The following ATXN7 variants were observed in gnomAD, a reference collection of about 807,000 sequenced individuals.
ATXN7 encodes the protein ataxin-7.
A neutral mutation model predicts 70.5 loss-of-function variants in ATXN7; 12 were observed. The observed-to-expected ratio is 0.17, with a 90% CI of 0.11 to 0.28. The LOEUF is 0.28. Ranked by LOEUF, ATXN7 falls within the 10% of genes least tolerant of loss-of-function variation. The pLI is 1.00. For missense variants in ATXN7, 1,256 were observed against 1,131.7 expected (o/e 1.11, Z -1.58); for synonymous variants, 498 against 448.7 (o/e 1.11, Z -1.39).
chr3:63,913,777 G>GTT (rs1460693868), intron 4 of ATXN7, among the ~76,000 whole-genome samples: 1 of 152,112 alleles, frequency 6.6e-6, no homozygotes, highest in African/African-American at 2.4e-5. Flanking sequence ...ATTTTATTTG[G>GTT]TCAAATAAGC....
At chr3:63,914,269 A>G (rs1704174502) in intron 4 of ATXN7, among the ~76,000 whole-genome samples, 1 of 152,030 alleles carries the variant, frequency 6.6e-6, no homozygotes, top group Non-Finnish European at 1.5e-5. Flanking sequence ...CGCTTTTCAC[A>G]CCTGCTTTTT....
intron 12 of ATXN7, chr3:63,998,198 GA>G (rs148077708): frequency 9.0e-5 from 43 of 478,642 alleles, no homozygotes; most frequent in East Asian, 6.1e-4. Flanking sequence ...AAAAAGGACA[GA>G]AGGGGGGGGG....
intron 2 of ATXN7, 78 bp from the exon 3 acceptor site, chr3:63,912,510 G>A: frequency 1.0e-6 from 1 of 955,366 alleles, no homozygotes; most frequent in South Asian, 3.0e-5. Context: ...GGCCGCGCAC[G>A]CCGCCGGAAC....
At chr3:63,880,922 C>A (rs139440764) in intron 1 of ATXN7, among the ~76,000 whole-genome samples, 3 of 152,138 alleles carry the variant, frequency 2.0e-5, no homozygotes, top group East Asian at 3.9e-4. Context: ...CTGAGCATGG[C>A]GCTCAATAGA....
chr3:63,988,023 G>C, intron 8 of ATXN7, 36 bp from the exon 9 acceptor site: 1 of 1,607,686 alleles, frequency 6.2e-7, no homozygotes, highest in Non-Finnish European at 8.5e-7. Context: ...AATTATTAAT[G>C]AGATTCCTCA....
At chr3:63,872,355 T>C (rs546541606) in intron 1 of ATXN7, among the ~76,000 whole-genome samples, 3 of 152,340 alleles carry the variant, frequency 2.0e-5, no homozygotes, top group Admixed American at 6.5e-5. Flanking sequence ...CAGTTCTCCA[T>C]TGGTAGTGCC....
At chr3:63,963,793 G>T (rs2075172202) in intron 5 of ATXN7, among the ~76,000 whole-genome samples, 1 of 152,060 alleles carries the variant, frequency 6.6e-6, no homozygotes, top group Non-Finnish European at 1.5e-5. Flanking sequence ...TTTTGTCTGT[G>T]TGAACCAAAC....
chr3:63,879,508 A>G (rs866799300), intron 1 of ATXN7, among the ~76,000 whole-genome samples: 1 of 147,090 alleles, frequency 6.8e-6, no homozygotes, highest in African/African-American at 2.5e-5. Flanking sequence ...TTTTTTTTTA[A>G]ATAGAGTCTT....
intron 8 of ATXN7, among the ~76,000 whole-genome samples, 184 bp from the exon 9 acceptor site, chr3:63,987,875 C>A (rs1046619842): frequency 6.6e-6 from 1 of 152,098 alleles, no homozygotes; most frequent in African/African-American, 2.4e-5. Context: ...AGAACGTATG[C>A]TTCTAGTCTA....
intron 4 of ATXN7, among the ~76,000 whole-genome samples, chr3:63,916,364 T>C (rs1704268561): frequency 6.6e-6 from 1 of 152,204 alleles, no homozygotes; most frequent in Admixed American, 6.5e-5. Context: ...CAAAATAATA[T>C]GTCAGTTTTC....
chr3:63,894,364 A>G (rs555972398), intron 1 of ATXN7, among the ~76,000 whole-genome samples: 43 of 152,328 alleles, frequency 2.8e-4, no homozygotes, highest in African/African-American at 1.0e-3. Flanking sequence ...CACCATGGAA[A>G]ACAAAAAAGT....
chr3:63,942,497 G>C (rs1357731107), intron 4 of ATXN7, among the ~76,000 whole-genome samples: 4 of 152,058 alleles, frequency 2.6e-5, no homozygotes, highest in African/African-American at 9.7e-5. Flanking sequence ...GTAGGGTTGT[G>C]AATTTTGTTC....
chr3:63,890,744 A>C (rs1199099893), intron 1 of ATXN7, among the ~76,000 whole-genome samples: 1 of 152,218 alleles, frequency 6.6e-6, no homozygotes, highest in Non-Finnish European at 1.5e-5. Flanking sequence ...ATAATGACCC[A>C]AAACCCCAGT....
chr3:63,917,438 A>G (rs558707606), intron 4 of ATXN7, among the ~76,000 whole-genome samples: 4 of 152,172 alleles, frequency 2.6e-5, no homozygotes, highest in Non-Finnish European at 4.4e-5. Context: ...TAGTGCCTGA[A>G]TATTTAGAGA....
intron 5 of ATXN7, among the ~76,000 whole-genome samples, chr3:63,962,908 C>CTTT (rs71631179): frequency 5.4e-4 from 73 of 136,268 alleles, no homozygotes; most frequent in Non-Finnish European, 7.2e-4. Flanking sequence ...TTTTGTATTT[C>CTTT]TTTTTTTTTT....
At chr3:63,954,502 G>A (rs2075006556) in intron 5 of ATXN7, among the ~76,000 whole-genome samples, 1 of 152,166 alleles carries the variant, frequency 6.6e-6, no homozygotes, top group Admixed American at 6.5e-5. Flanking sequence ...ACGTGTTGGT[G>A]AGGACCTGTT....
chr3:63,964,073 A>AACACACACACACACACAC (rs10557844), intron 5 of ATXN7, among the ~76,000 whole-genome samples: 2 of 147,080 alleles, frequency 1.4e-5, no homozygotes, highest in African/African-American at 2.5e-5. Flanking sequence ...TAGACACATA[A>AACACACACACACACACAC]ACACACACAC....
chr3:63,883,545 A>G (rs1030115105), intron 1 of ATXN7, among the ~76,000 whole-genome samples: 1 of 152,174 alleles, frequency 6.6e-6, no homozygotes, highest in African/African-American at 2.4e-5. Context: ...CCAATTAAAA[A>G]AAAAAACAAA....
rs749645247 is a variant in ATXN7, at chr3:63,999,593, G to T, written c.*126G>T. ...TCCCAACCTCCTGTGGGCCTCAAGG[G>T]TAGAAACCTGCCGGGCTGTTGTTTT... is the stretch of plus-strand genomic sequence containing the variant. On this transcript the variant is annotated 3_prime_UTR_variant, in exon 13 of 13. Transcript: ENST00000674280. 4 of 1,514,598 alleles carry T rather than the reference G, an allele frequency of 2.6e-6. No homozygotes were observed. The African/African-American group carries it at 5.5e-5, about 21-fold the overall frequency. 93.8% of individuals were successfully genotyped at this position (1,514,598 alleles called of 1,614,324 possible). A position where few individuals can be genotyped will look rare whatever the true frequency, so the allele number is the denominator to read the frequency against.
Sources: gnomAD v4.1 joint callset for allele counts (sites outside exome capture counted in the v4.1 genomes callset) on GRCh38, gnomAD v4.1.1 for gene constraint, MANE v1.5 for transcripts, NCBI Gene and HGNC (gene_info 2026-07-23, HGNC 2026-07-21) for gene names.